The following FAM168A variants were observed in gnomAD, a reference collection of about 807,000 sequenced individuals.
FAM168A encodes the protein family with sequence similarity 168 member A, also known as protein FAM168A.
FAM168A carries 3 observed loss-of-function variants against 28.5 expected under a neutral mutation model. The ratio of observed to expected loss-of-function variants is 0.11; its 90% CI spans 0.05 to 0.27. The LOEUF (loss-of-function observed/expected upper bound fraction) is 0.27. Ranked by LOEUF, FAM168A falls within the 10% of genes least tolerant of loss-of-function variation. FAM168A has a pLI of 1.00. For synonymous variants in FAM168A, 122 were observed against 124.2 expected (o/e 0.98, Z 0.12); for missense variants, 222 against 311.5 (o/e 0.71, Z 2.16).
At chr11:73,527,216 T>C (rs188015707) in intron 1 of FAM168A, among the ~76,000 whole-genome samples, 3 of 152,226 alleles carry the variant, frequency 2.0e-5, no homozygotes, top group South Asian at 2.1e-4. Context: ...GACTAAAAGT[T>C]TGGAAGGAAA....
intron 1 of FAM168A, among the ~76,000 whole-genome samples, chr11:73,485,081 A>G (rs1868035744): frequency 6.6e-6 from 1 of 152,152 alleles, no homozygotes; most frequent in African/African-American, 2.4e-5. Flanking sequence ...CCCAAGATCA[A>G]TACTTTGCAT....
chr11:73,521,868 T>C (rs2134651765), intron 1 of FAM168A, among the ~76,000 whole-genome samples: 1 of 152,136 alleles, frequency 6.6e-6, no homozygotes, highest in African/African-American at 2.4e-5. Flanking sequence ...TCACACATGA[T>C]GGATGAGTGA....
rs56024886 is a variant in FAM168A, at chr11:73,574,094, G to A, written c.-19+23829C>T. Among the ~76,000 whole-genome samples the A allele has an allele frequency of 9.8e-3, 1,488 of 152,120 alleles. 28 individuals carry two copies. Among genetic ancestry groups the A allele is most frequent in the African/African-American group, 0.033 (1,388 of 41,504 alleles). ...GCCATGAGCCCACCACTGTACTCCA[G>A]CCTGGGTGACAGAGCAAGACCCTGT... On this transcript the variant is annotated intron_variant, in intron 1 of 7. Transcript: ENST00000356467.
intron 1 of FAM168A, among the ~76,000 whole-genome samples, chr11:73,556,423 TTAAA>T (rs1307475227): frequency 6.6e-6 from 1 of 150,376 alleles, no homozygotes; most frequent in African/African-American, 2.4e-5. Flanking sequence ...TAATAATAAT[TTAAA>T]TAATTAAATA....
chr11:73,564,742 CA>C lies in FAM168A; in HGVS notation c.-19+33180del, dbSNP rs1294055661. 3.6e-3 allele frequency among the ~76,000 whole-genome samples: 180 copies of C among 50,176 alleles called. 1 individual carries two copies. The highest frequency in any genetic ancestry group is 0.031 in the East Asian group (55 of 1,780). The allele number at this position is 50,176 out of a possible 152,430, so 32.9% of individuals were successfully genotyped here. A position where few individuals can be genotyped will look rare whatever the true frequency, so the allele number is the denominator to read the frequency against. On this transcript the variant is annotated intron_variant, in intron 1 of 7. Coordinates refer to ENST00000356467, the MANE Select transcript of FAM168A (RefSeq NM_015159.3). The stretch of plus-strand genomic sequence containing the variant: ...TGGGCGACACAGTGAGACTCCGTCA[CA>C]AAAAAAAAAAAAAAAAAAAGAAGGC...
At chr11:73,459,205 T>G (rs1214926693) in intron 2 of FAM168A, among the ~76,000 whole-genome samples, 2 of 151,604 alleles carry the variant, frequency 1.3e-5, no homozygotes, top group Admixed American at 6.6e-5. Context: ...CACCTCAGCC[T>G]CCTGAGTAGC....
chr11:73,456,342 G>A (rs1867531604), intron 2 of FAM168A, among the ~76,000 whole-genome samples: 1 of 152,156 alleles, frequency 6.6e-6, no homozygotes, highest in Admixed American at 6.5e-5. Flanking sequence ...CAGAAGACAG[G>A]TAAGAAAGTG....
At chr11:73,543,665 A>G (rs1245498418) in intron 1 of FAM168A, among the ~76,000 whole-genome samples, 2 of 152,186 alleles carry the variant, frequency 1.3e-5, no homozygotes, top group East Asian at 3.8e-4. Context: ...CTAACTGAGT[A>G]CTTTCAATTT....
intron 1 of FAM168A, among the ~76,000 whole-genome samples, chr11:73,513,896 G>C (rs550022043): frequency 6.6e-6 from 1 of 152,158 alleles, no homozygotes; most frequent in South Asian, 2.1e-4. Flanking sequence ...TTAAAATGGA[G>C]GTAGTGGCCA....
In FAM168A at chr11:73,564,038, G is replaced by C. The variant is rs534154766; in HGVS notation, c.-19+33885C>G. On this transcript the variant is annotated intron_variant, in intron 1 of 7. Transcript: ENST00000356467. Reference sequence around the variant, plus strand: ...AAGCCAGACTCTCTCCTCCTAAGGTGGCAAAATGGCTATAGCAGCTCCAGC... The same window carrying C: ...AAGCCAGACTCTCTCCTCCTAAGGTCGCAAAATGGCTATAGCAGCTCCAGC... Among the ~76,000 whole-genome samples, 65 of 152,288 alleles carry C rather than the reference G, an allele frequency of 4.3e-4. 1 individual carries two copies. Among genetic ancestry groups the C allele is most frequent in the Admixed American group, 1.6e-3 (25 of 15,292 alleles).
intron 1 of FAM168A, among the ~76,000 whole-genome samples, chr11:73,569,825 AAAAT>A (rs111950693): frequency 0.011 from 1,549 of 145,810 alleles, 31 homozygotes; most frequent in African/African-American, 0.036. Context: ...CTCCACCTCA[AAAAT>A]AAATAAATAA....
intron 1 of FAM168A, among the ~76,000 whole-genome samples, chr11:73,538,973 C>G (rs1312566791): frequency 6.6e-6 from 1 of 152,168 alleles, no homozygotes; most frequent in African/African-American, 2.4e-5. Flanking sequence ...AGTACTACTA[C>G]AGTAGTTAGA....
intron 3 of FAM168A, among the ~76,000 whole-genome samples, chr11:73,422,390 T>C (rs1866809368): frequency 6.6e-6 from 1 of 152,238 alleles, no homozygotes; most frequent in Admixed American, 6.5e-5. Flanking sequence ...TTTGAATCCT[T>C]ATAATTTACA....
intron 4 of FAM168A, 132 bp from the exon 5 acceptor site, chr11:73,411,668 C>G (rs1291355804): frequency 1.0e-6 from 1 of 966,462 alleles, no homozygotes; most frequent in African/African-American, 1.6e-5. Flanking sequence ...TGAGAACAAA[C>G]AGAGAACAGG....
intron 3 of FAM168A, chr11:73,424,991 T>A (rs1479083332): frequency 6.6e-7 from 1 of 1,506,938 alleles, no homozygotes; most frequent in Non-Finnish European, 8.9e-7. Context: ...TCATAGGCTG[T>A]AATACAGATG....
At chr11:73,572,042 GCCCCTCCGCCCGGC>G (rs1367718454) in intron 1 of FAM168A, among the ~76,000 whole-genome samples, 2 of 151,312 alleles carry the variant, frequency 1.3e-5, no homozygotes, top group African/African-American at 4.9e-5. Context: ...GAAGTGAGGA[GCCCCTCCGCCCGGC>G]AGCCACCCCG....
intron 1 of FAM168A, among the ~76,000 whole-genome samples, chr11:73,587,373 T>C (rs1183013792): frequency 6.6e-6 from 1 of 151,768 alleles, no homozygotes; most frequent in African/African-American, 2.4e-5. Flanking sequence ...GCACCTGTAA[T>C]GGCAGCTACT....
At chr11:73,409,727 A>T in intron 5 of FAM168A, 66 bp from the exon 6 acceptor site, 1 of 1,500,314 alleles carries the variant, frequency 6.7e-7, no homozygotes. Context: ...AGAGAGCAGC[A>T]CTGGCTGAAG....
chr11:73,510,457 G>A (rs1005887684), intron 1 of FAM168A, among the ~76,000 whole-genome samples: 4 of 152,146 alleles, frequency 2.6e-5, no homozygotes, highest in African/African-American at 9.7e-5. Flanking sequence ...GAATATGTGG[G>A]ATCTGGGTAA....
Sources: gnomAD v4.1 joint callset for allele counts (sites outside exome capture counted in the v4.1 genomes callset) on GRCh38, gnomAD v4.1.1 for gene constraint, MANE v1.5 for transcripts, NCBI Gene and HGNC (gene_info 2026-07-23, HGNC 2026-07-21) for gene names.